Variants in TLE2 observed in about 807,000 individuals in gnomAD.
TLE2 encodes transducin-like enhancer protein 2.
Under a neutral mutation model 97.2 loss-of-function variants are expected in TLE2, and 74 were observed. That is an observed-to-expected ratio of 0.76 (90% CI 0.63 to 0.92). The LOEUF is 0.92. Among genes scored for constraint, TLE2 ranks in the 40% least tolerant of loss-of-function variants. The pLI is 0.00. For missense variants in TLE2, 1,038 were observed against 1,008.7 expected (o/e 1.03, Z -0.39); for synonymous variants, 499 against 432.1 (o/e 1.15, Z -1.92).
At chr19:3,024,963 CCTCCCGTCTT>C in intron 5 of TLE2, 47 bp downstream of exon 5, 1 of 1,474,584 alleles carries the variant, frequency 6.8e-7, no homozygotes, top group East Asian at 2.5e-5. Flanking sequence ...AGACCTACCC[CCTCCCGTCTT>C]CTTCCGGCTC....
Position 3,017,878 on chromosome 19 carries a change from G to C in TLE2, c.551-19C>G. Reference sequence around the variant, plus strand: ...CTCTCCACTGACAGATTGGGAATGGGATAAAGAGAAAGAAGGAGAAAGAAT... The same window carrying C: ...CTCTCCACTGACAGATTGGGAATGGCATAAAGAGAAAGAAGGAGAAAGAAT... On this transcript the variant is annotated intron_variant, in intron 7 of 19. Coordinates refer to ENST00000262953, the MANE Select transcript of TLE2 (RefSeq NM_003260.5). 1 of 1,611,660 alleles carries C rather than the reference G, an allele frequency of 6.2e-7. No individual in the cohort carries two copies. The highest frequency in any genetic ancestry group is 8.5e-7 in the Non-Finnish European group (1 of 1,178,838).
chr19:3,016,624 A>T (rs1310294301), intron 8 of TLE2, among the ~76,000 whole-genome samples: 1 of 151,704 alleles, frequency 6.6e-6, no homozygotes, highest in African/African-American at 2.4e-5. Context: ...CATTTTTTGA[A>T]AAACTTACTG....
intron 1 of TLE2, among the ~76,000 whole-genome samples, chr19:3,037,167 C>G (rs190622233): frequency 3.3e-5 from 5 of 152,252 alleles, no homozygotes; most frequent in African/African-American, 1.2e-4. Context: ...CTCCTGTAGT[C>G]CCAGCTACTC....
intron 1 of TLE2, among the ~76,000 whole-genome samples, chr19:3,035,634 C>T (rs886595961): frequency 3.3e-5 from 5 of 152,192 alleles, no homozygotes; most frequent in Admixed American, 2.6e-4. Flanking sequence ...GTGGAAATTC[C>T]TTTCTCCGCG....
At chr19:3,026,936 T>TCTA (rs1189026093) in intron 4 of TLE2, among the ~76,000 whole-genome samples, 2 of 149,896 alleles carry the variant, frequency 1.3e-5, no homozygotes, top group Non-Finnish European at 2.9e-5. Context: ...GACCTTGAGG[T>TCTA]CTATCTCAGA....
chr19:3,026,454 T>TA (rs1568249444), intron 4 of TLE2, among the ~76,000 whole-genome samples: 180 of 104,572 alleles, frequency 1.7e-3, no homozygotes, highest in African/African-American at 6.9e-3. Context: ...GTCTCAAAAT[T>TA]TAAAAAAAAA....
At chr19:3,011,567 A>G (rs12981832) in intron 11 of TLE2, among the ~76,000 whole-genome samples, 32,313 of 147,250 alleles carry the variant, frequency 0.22, 3,676 homozygotes, top group Middle Eastern at 0.25. Context: ...AAACAACAAC[A>G]GGCCAGGCGC....
chr19:3,032,812 C>T (rs77862852), upstream of TLE2, among the ~76,000 whole-genome samples: 2 of 152,172 alleles, frequency 1.3e-5, no homozygotes, highest in East Asian at 3.8e-4. This position sits in a 1 kb window ranked among gnomAD's most constrained non-coding sequence, Gnocchi z 4.1. Flanking sequence ...TGATTCCAAA[C>T]CCTTTCCGGC....
chr19:3,017,925 C>T (rs982280047), intron 7 of TLE2, 66 bp from the exon 8 acceptor site: 104 of 1,515,806 alleles, frequency 6.9e-5, no homozygotes, highest in East Asian at 1.6e-4. Flanking sequence ...ATCCACGGCG[C>T]CAGAGGGTAC....
intron 5 of TLE2, among the ~76,000 whole-genome samples, chr19:3,021,996 A>G (rs2089853677): frequency 6.6e-6 from 1 of 152,078 alleles, no homozygotes; most frequent in Non-Finnish European, 1.5e-5. Flanking sequence ...ACGCTAGTCC[A>G]GGAGTTTGAG....
At chr19:3,045,650 C>G (rs558557591) in intron 1 of TLE2, 4 of 386,980 alleles carry the variant, frequency 1.0e-5, no homozygotes, top group African/African-American at 8.2e-5. Context: ...AACCACCCCC[C>G]ACCCCACCCC....
At chr19:3,030,631 C>T (rs1312051744), upstream of TLE2, among the ~76,000 whole-genome samples, 1 of 151,958 alleles carries the variant, frequency 6.6e-6, no homozygotes, top group African/African-American at 2.4e-5. Context: ...GCACAAGAGC[C>T]CTTATCAATG....
intron 19 of TLE2, among the ~76,000 whole-genome samples, chr19:2,998,483 GGC>G (rs142842415): frequency 0.29 from 43,847 of 151,666 alleles, 6,492 homozygotes; most frequent in Admixed American, 0.37. Flanking sequence ...TCACCATGTT[GGC>G]CAGGTTGGGC....
upstream of TLE2, among the ~76,000 whole-genome samples, chr19:3,033,923 C>A (rs1164022139): frequency 6.6e-6 from 1 of 151,296 alleles, no homozygotes; most frequent in African/African-American, 2.5e-5. Context: ...CAACTTGACT[C>A]ACACCTCTGG....
At chr19:3,045,477 C>T (rs546549891) in intron 1 of TLE2, among the ~76,000 whole-genome samples, 7 of 152,248 alleles carry the variant, frequency 4.6e-5, no homozygotes, top group Non-Finnish European at 5.9e-5. Flanking sequence ...CTTCCTCCTC[C>T]CCCACCAGTC....
At position 3,019,940 on chromosome 19, in the gene TLE2, T is replaced by C. The variant is rs1416660733; in HGVS notation, c.295-167A>G. The C allele has an allele frequency of 5.3e-6, 5 of 937,822 alleles. No individual in the cohort carries two copies. The highest frequency in any genetic ancestry group is 2.7e-5 in the East Asian group (1 of 37,124). The allele number at this position is 937,822 out of a possible 1,614,324, so 58.1% of individuals were successfully genotyped here. A position where few individuals can be genotyped will look rare whatever the true frequency, so the allele number is the denominator to read the frequency against. ...ACTCTCTCCCTTTCCTTTTGGAATT[T>C]TGAAATAAGCACACGGAGAAAGAAA... is the stretch of plus-strand genomic sequence containing the variant. On this transcript the variant is annotated intron_variant, in intron 5 of 19. Coordinates refer to ENST00000262953, the MANE Select transcript of TLE2 (RefSeq NM_003260.5). The surrounding 1 kb of genome is among the most constrained non-coding windows in gnomAD (Gnocchi z 5.1).
chr19:3,040,352 T>G (rs937900840), intron 1 of TLE2, among the ~76,000 whole-genome samples: 1 of 151,736 alleles, frequency 6.6e-6, no homozygotes, highest in African/African-American at 2.4e-5. Context: ...GTTTGTTTGT[T>G]TTTTTTTTAA....
At chr19:3,043,107 A>G (rs2090116555) in intron 1 of TLE2, among the ~76,000 whole-genome samples, 1 of 152,096 alleles carries the variant, frequency 6.6e-6, no homozygotes, top group South Asian at 2.1e-4. Flanking sequence ...GCCATGAGCC[A>G]TCTTGCCCGG....
In TLE2 at chr19:3,039,070, A is replaced by T. The variant is rs188991092; in HGVS notation, c.63+6656T>A. Among the ~76,000 whole-genome samples the T allele has an allele frequency of 6.7e-5, 10 of 150,288 alleles. No homozygotes were observed. The East Asian group carries it at 1.9e-3, about 29-fold the overall frequency. On this transcript the variant is annotated intron_variant, in intron 1 of 18. Transcript: ENST00000426948. ...AAAAAAAAATAAAAATTAAAAAAAA[A>T]AAATTAGCTGGGTGTGGTGGCGGGC...
Sources: gnomAD v4.1 joint callset for allele counts (sites outside exome capture counted in the v4.1 genomes callset) on GRCh38, gnomAD v4.1.1 for gene constraint, Gnocchi (gnomAD v3.1) non-coding constraint, MANE v1.5 for transcripts, NCBI Gene and HGNC (gene_info 2026-07-23, HGNC 2026-07-21) for gene names.